The following CTNNA3 variants were observed in gnomAD, a reference collection of about 807,000 sequenced individuals.
CTNNA3 encodes catenin alpha-3.
In CTNNA3, 76 loss-of-function variants were observed where a neutral mutation model predicts 95.7. The observed-to-expected ratio is 0.79, with a 90% CI of 0.66 to 0.96. CTNNA3 has a LOEUF of 0.96. Ranked by LOEUF, CTNNA3 falls within the 40% of genes least tolerant of loss-of-function variation. The probability of loss-of-function intolerance (pLI) is 0.00; values close to 1 mark genes in which losing one functional copy is unlikely to be tolerated. For missense variants in CTNNA3, 1,191 were observed against 1,089.8 expected (o/e 1.09, Z -1.31); for synonymous variants, 431 against 374.4 (o/e 1.15, Z -1.74).
chr10:66,708,682 A>G (rs1418675860), intron 9 of CTNNA3, among the ~76,000 whole-genome samples: 1 of 152,090 alleles, frequency 6.6e-6, no homozygotes, highest in Non-Finnish European at 1.5e-5. Context: ...GCTCTCTCAA[A>G]TAATATTTTT....
At chr10:66,215,190 A>T (rs1043191368) in intron 13 of CTNNA3, among the ~76,000 whole-genome samples, 1 of 152,206 alleles carries the variant, frequency 6.6e-6, no homozygotes, top group African/African-American at 2.4e-5. Context: ...AACTGTGGAC[A>T]CTGGATGCCA....
chr10:66,588,353 T>C (rs1843431606), intron 10 of CTNNA3, among the ~76,000 whole-genome samples: 1 of 152,164 alleles, frequency 6.6e-6, no homozygotes, highest in Non-Finnish European at 1.5e-5. Flanking sequence ...TTCTGTTAAG[T>C]TCCTGTGTTG....
rs531142453 is a variant in CTNNA3 at position 67,166,833 on chromosome 10, G to A, written c.1047+13484C>T. 5.1e-4 allele frequency among the ~76,000 whole-genome samples: 78 copies of A among 152,314 alleles called. 1 individual carries two copies. The highest frequency in any genetic ancestry group is 1.6e-3 in the African/African-American group (65 of 41,572). On this transcript the variant is annotated intron_variant, in intron 7 of 17. Transcript: ENST00000433211. ...AAAAAGCAACAACTTCTGGCCGGGCGCGGTGGCTCATGCCTGTAATCCCAG... is the reference window on the plus strand; with the variant it reads ...AAAAAGCAACAACTTCTGGCCGGGCACGGTGGCTCATGCCTGTAATCCCAG...
chr10:66,051,650 A>G (rs2079961742), intron 15 of CTNNA3, among the ~76,000 whole-genome samples: 1 of 152,236 alleles, frequency 6.6e-6, no homozygotes, highest in South Asian at 2.1e-4. Flanking sequence ...ATTGTAATAA[A>G]CAAAAATACT....
intron 5 of CTNNA3, among the ~76,000 whole-genome samples, chr10:67,367,146 A>G (rs1032423569): frequency 2.0e-5 from 3 of 152,172 alleles, no homozygotes; most frequent in African/African-American, 4.8e-5. Context: ...ATAAAAAGAC[A>G]ACCTACAGAG....
At chr10:66,556,111 G>A (rs1842381032) in intron 10 of CTNNA3, among the ~76,000 whole-genome samples, 1 of 151,878 alleles carries the variant, frequency 6.6e-6, no homozygotes, top group Non-Finnish European at 1.5e-5. Context: ...GTATGGAAAG[G>A]TGCTCAACGA....
In CTNNA3 at chr10:66,700,789, A is replaced by G. The variant is rs115201850; in HGVS notation, c.1281+65475T>C. ...GCAAAATGAGCATTAAAAATTAGGA[A>G]CAGTATTTTGCTAATTTGTTCCTGT... On this transcript the variant is annotated intron_variant, in intron 9 of 17. Coordinates refer to ENST00000433211, the MANE Select transcript of CTNNA3 (RefSeq NM_013266.4). Among the ~76,000 whole-genome samples the G allele has an allele frequency of 1.0e-2, 1,517 of 152,300 alleles. 23 individuals are homozygous for G. Among genetic ancestry groups the G allele is most frequent in the African/African-American group, 0.034 (1,433 of 41,562 alleles).
intron 1 of CTNNA3, among the ~76,000 whole-genome samples, chr10:67,716,828 T>C (rs1002575269): frequency 6.6e-6 from 1 of 152,186 alleles, no homozygotes; most frequent in African/African-American, 2.4e-5. Flanking sequence ...ATCCTTTAGG[T>C]ATATACCCAG....
chr10:67,613,075 TCTCACTG>T (rs1647593363), intron 2 of CTNNA3, among the ~76,000 whole-genome samples: 1 of 152,188 alleles, frequency 6.6e-6, no homozygotes, highest in African/African-American at 2.4e-5. Context: ...GCAATTTTGA[TCTCACTG>T]CTCACTAAAT....
intron 1 of CTNNA3, among the ~76,000 whole-genome samples, chr10:67,660,956 A>G (rs1164367959): frequency 6.6e-6 from 1 of 152,036 alleles, no homozygotes; most frequent in African/African-American, 2.4e-5. Context: ...GAGAAATGCA[A>G]ATTAAAATAC....
At chr10:67,092,749 G>A (rs1857731663) in intron 7 of CTNNA3, among the ~76,000 whole-genome samples, 1 of 151,952 alleles carries the variant, frequency 6.6e-6, no homozygotes, top group African/African-American at 2.4e-5. Context: ...CTTTTTATGT[G>A]AAAGGTACAT....
intron 13 of CTNNA3, among the ~76,000 whole-genome samples, chr10:66,272,549 C>T (rs1207889776): frequency 4.6e-5 from 7 of 151,896 alleles, no homozygotes; most frequent in South Asian, 2.1e-4. Flanking sequence ...CGGGAACTGT[C>T]GCCCTGTGGG....
chr10:65,951,790 G>C (rs1336160796), intron 17 of CTNNA3, among the ~76,000 whole-genome samples: 1 of 152,288 alleles, frequency 6.6e-6, no homozygotes, highest in South Asian at 2.1e-4. Context: ...AGCACTTTGG[G>C]AGGCCGAGGT....
intron 16 of CTNNA3, among the ~76,000 whole-genome samples, chr10:65,981,623 C>T (rs1446385852): frequency 6.6e-6 from 1 of 152,014 alleles, no homozygotes; most frequent in Non-Finnish European, 1.5e-5. Context: ...GTCACCAAAA[C>T]AGCATAGTAC....
intron 9 of CTNNA3, among the ~76,000 whole-genome samples, chr10:66,684,220 T>C (rs1847168215): frequency 6.6e-6 from 1 of 152,108 alleles, no homozygotes; most frequent in South Asian, 2.1e-4. Flanking sequence ...GTGGTGCTAC[T>C]GGCATCTAGA....
rs946598565 is a variant in CTNNA3, at chr10:66,316,872, A to G, written c.1733-36251T>C. Among the ~76,000 whole-genome samples the G allele has an allele frequency of 1.4e-4, 21 of 152,140 alleles. 1 individual carries two copies. Among genetic ancestry groups the G allele is most frequent in the Non-Finnish European group, 2.4e-4 (16 of 68,002 alleles). On this transcript the variant is annotated intron_variant, in intron 12 of 17. Transcript: ENST00000433211. ...AATATAAATTTAACTTGTTGTCTAG[A>G]CCAAAACCTATGAACTTTTCTCAAT...
At chr10:66,341,244 G>C (rs1283926683) in intron 12 of CTNNA3, among the ~76,000 whole-genome samples, 3 of 151,864 alleles carry the variant, frequency 2.0e-5, no homozygotes, top group Non-Finnish European at 2.9e-5. Context: ...CCTCATTCTA[G>C]TAAATTATAA....
Position 66,927,549 on chromosome 10 carries a change from C to T in CTNNA3, c.1048-152025G>A, listed in dbSNP as rs1847146203. 2 of 1,614,036 alleles carry T rather than the reference C, an allele frequency of 1.2e-6. No individual in the cohort carries two copies. The highest frequency in any genetic ancestry group is 8.5e-7 in the Non-Finnish European group (1 of 1,180,044). Reference sequence around the variant, plus strand: ...GCATGATCAGACTCAAAGAACTTCACCTGGAGCACAATCAATTTTCCAAGC... The same window carrying T: ...GCATGATCAGACTCAAAGAACTTCATCTGGAGCACAATCAATTTTCCAAGC... On this transcript the variant is annotated intron_variant, in intron 7 of 17. Transcript: ENST00000433211. This position sits in a 1 kb window ranked among gnomAD's most constrained non-coding sequence, Gnocchi z 4.7.
chr10:66,549,058 C>T (rs990996505), intron 10 of CTNNA3, among the ~76,000 whole-genome samples: 3 of 142,288 alleles, frequency 2.1e-5, no homozygotes, highest in South Asian at 2.2e-4. Flanking sequence ...GCGCAATCTC[C>T]GCTCACTGCA....
Sources: allele counts gnomAD v4.1 joint callset (sites outside exome capture counted in the v4.1 genomes callset), GRCh38; gene constraint gnomAD v4.1.1; non-coding constraint Gnocchi (gnomAD v3.1); transcripts MANE v1.5; gene names NCBI Gene and HGNC (gene_info 2026-07-23, HGNC 2026-07-21).